ZNF618: variants seen among roughly 807,000 people sequenced by gnomAD.
The protein encoded by ZNF618 is neural precursor cell expressed, developmentally down-regulated 10.
A neutral mutation model predicts 103.0 loss-of-function variants in ZNF618; 34 were observed. The observed-to-expected ratio is 0.33, with a 90% confidence interval of 0.25 to 0.44. ZNF618 has a LOEUF of 0.44. Among genes scored for constraint, ZNF618 ranks in the 20% least tolerant of loss-of-function variants. The probability of loss-of-function intolerance (pLI) is 1.00; values close to 1 mark genes in which losing one functional copy is unlikely to be tolerated. For synonymous variants in ZNF618, 551 were observed against 542.2 expected, an observed-to-expected ratio of 1.02 and a Z score of -0.23; for missense variants, 1,059 against 1,295.4, an observed-to-expected ratio of 0.82 and a Z score of 2.80.
At chr9:113,994,916 C>T (rs1840417729) in intron 3 of ZNF618, among the ~76,000 whole-genome samples, 1 of 150,308 alleles carries the variant, frequency 6.7e-6, no homozygotes. Context: ...ATATAATTTC[C>T]AGGATATTGT....
chr9:113,895,989 A>G (rs1392333318), intron 1 of ZNF618, among the ~76,000 whole-genome samples: 3 of 152,150 alleles, frequency 2.0e-5, no homozygotes, highest in Non-Finnish European at 2.9e-5. Context: ...AGAACAGAAT[A>G]TAATGTTATT....
In ZNF618 at chr9:114,049,877, G is replaced by A. The variant is rs551303713; in HGVS notation, c.2575G>A (p.Glu859Lys). ...AAKKPRSAAV[E>K]NPAAQEDDRL... ...CAAGAAGCCCCGCTCTGCTGCCGTC[G>A]AGAACCCCGCAGCTCAGGAAGATGA... The change falls in exon 15 of 15, where the codon GAG becomes AAG. Residue 859 changes from glutamate to lysine, a missense_variant. Physicochemically the swap from Glu to Lys is moderately conservative, Grantham distance 56. Around this residue, in one of 6 missense-constraint regions of ZNF618, gnomAD observed 156 missense variants for 197.1 expected, o/e 0.79. Transcript: ENST00000374126. The A allele has an allele frequency of 3.5e-5, 57 of 1,613,922 alleles. No individual in the cohort carries two copies. The highest frequency in any genetic ancestry group is 4.7e-5 in the Non-Finnish European group (55 of 1,179,910).
chr9:113,980,055 C>T (rs860082), intron 2 of ZNF618, among the ~76,000 whole-genome samples: 63,273 of 151,814 alleles, frequency 0.42, 13,503 homozygotes, highest in East Asian at 0.65. Context: ...ACTTTGAAGG[C>T]GGATCTGGCT....
At chr9:114,025,537 C>G (rs1843417217) in intron 10 of ZNF618, among the ~76,000 whole-genome samples, 1 of 152,336 alleles carries the variant, frequency 6.6e-6, no homozygotes, top group Middle Eastern at 3.4e-3. Flanking sequence ...GAGACTCTTT[C>G]ATGCTTTCTC....
rs115922752 is a variant in ZNF618, at chr9:113,945,085, C to T, written c.34-24032C>T. ...CTACCAGCCCAGTTCCCTTTCCAGC[C>T]CCATCCCCTGTCTCCCTACCTCACT... On this transcript the variant is annotated intron_variant, in intron 1 of 14. Coordinates refer to ENST00000374126, the MANE Select transcript of ZNF618 (RefSeq NM_001318042.2). Among the ~76,000 whole-genome samples the T allele has an allele frequency of 5.3e-3, 803 of 152,240 alleles. 7 individuals carry two copies. The highest frequency in any genetic ancestry group is 0.019 in the African/African-American group (772 of 41,524).
intron 1 of ZNF618, among the ~76,000 whole-genome samples, chr9:113,938,165 G>GTTTTTT (rs770850585): frequency 4.2e-5 from 4 of 95,512 alleles, no homozygotes; most frequent in African/African-American, 8.0e-5. Flanking sequence ...TCAGGCTCCT[G>GTTTTTT]TTTTTTTTTT....
At position 114,050,889 on chromosome 9, in the gene ZNF618, C is replaced by T. The variant is rs1846090803; in HGVS notation, c.*722C>T. Reference sequence around the variant, plus strand: ...TTGAGCTGCTGCCTTTGAGATACCCCTTGGGTGTCCCGGGGCAGCCGCCTT... The same window carrying T: ...TTGAGCTGCTGCCTTTGAGATACCCTTTGGGTGTCCCGGGGCAGCCGCCTT... On this transcript the variant is annotated 3_prime_UTR_variant, in exon 15 of 15. Transcript: ENST00000374126. 6.5e-6 allele frequency: 1 copy of T among 152,724 alleles called. No homozygotes were observed. Among genetic ancestry groups the T allele is most frequent in the South Asian group, 2.1e-4 (1 of 4,832 alleles). The allele number at this position is 152,724 out of a possible 1,614,324, so 9.5% of individuals were successfully genotyped here. A position where few individuals can be genotyped will look rare whatever the true frequency, so the allele number is the denominator to read the frequency against.
chr9:114,008,721 G>A (rs1034840533), intron 9 of ZNF618, among the ~76,000 whole-genome samples, 167 bp downstream of exon 9: 3 of 152,122 alleles, frequency 2.0e-5, no homozygotes, highest in Non-Finnish European at 2.9e-5. Flanking sequence ...TGGAGCTTTC[G>A]AGGAGCAGCA....
intron 1 of ZNF618, among the ~76,000 whole-genome samples, chr9:113,965,013 G>A (rs975336682): frequency 7.5e-6 from 1 of 133,460 alleles, no homozygotes; most frequent in Non-Finnish European, 1.5e-5. Flanking sequence ...AAAAAAAAAT[G>A]TAATCATATA....
At chr9:113,947,197 C>G (rs1011324274) in intron 1 of ZNF618, among the ~76,000 whole-genome samples, 1 of 152,160 alleles carries the variant, frequency 6.6e-6, no homozygotes, top group Admixed American at 6.5e-5. Flanking sequence ...TTAGTGAATC[C>G]TTTCTACACT....
At position 113,894,434 on chromosome 9, in the gene ZNF618, T is replaced by C. The variant is rs913773574; in HGVS notation, c.33+18021T>C. 2.0e-5 allele frequency among the ~76,000 whole-genome samples: 3 copies of C among 152,196 alleles called. No homozygotes were observed. The East Asian group carries it at 5.8e-4, about 29-fold the overall frequency. ...GAAAGTTCAGCGCTCTCAGACTGAT[T>C]GTCAAGGGTGGTGGAGGGAAAGATG... On this transcript the variant is annotated intron_variant, in intron 1 of 14. Transcript: ENST00000374126.
At chr9:114,016,525 G>T (rs1216269233) in intron 9 of ZNF618, among the ~76,000 whole-genome samples, 170 bp from the exon 10 acceptor site, 1 of 152,128 alleles carries the variant, frequency 6.6e-6, no homozygotes, top group Non-Finnish European at 1.5e-5. Context: ...TACCCAGCTC[G>T]AAATGTCTGA....
At chr9:114,040,644 T>C (rs1362794865) in intron 13 of ZNF618, among the ~76,000 whole-genome samples, 1 of 152,236 alleles carries the variant, frequency 6.6e-6, no homozygotes, top group African/African-American at 2.4e-5. Context: ...TCCATGTCCC[T>C]ACAAAGGACA....
In ZNF618 at chr9:114,055,425, A is replaced by G. The variant is rs1334060874; in HGVS notation, c.*5258A>G. ...TTCAGATCCCAAGCATCAGGAAATC[A>G]TTTTGTACAACCACCCGAAGCAGAG... On this transcript the variant is annotated 3_prime_UTR_variant, in exon 15 of 15. Coordinates refer to ENST00000374126, the MANE Select transcript of ZNF618 (RefSeq NM_001318042.2). 1 of 152,680 alleles carries G rather than the reference A, an allele frequency of 6.5e-6. No individual in the cohort carries two copies. The highest frequency in any genetic ancestry group is 2.4e-5 in the African/African-American group (1 of 41,462). The allele number at this position is 152,680 out of a possible 1,614,324, so 9.5% of individuals were successfully genotyped here.
At chr9:114,031,990 G>C (rs1380639134) in intron 11 of ZNF618, among the ~76,000 whole-genome samples, 2 of 152,192 alleles carry the variant, frequency 1.3e-5, no homozygotes, top group African/African-American at 2.4e-5. Flanking sequence ...GAGAGCACTT[G>C]GAAGAGGGTG....
At chr9:113,962,933 C>T (rs535279571) in intron 1 of ZNF618, among the ~76,000 whole-genome samples, 2 of 152,302 alleles carry the variant, frequency 1.3e-5, no homozygotes, top group South Asian at 4.1e-4. Flanking sequence ...TAGATATATC[C>T]CAACTGCCTA....
chr9:113,955,009 G>T (rs902665965), intron 1 of ZNF618, among the ~76,000 whole-genome samples: 7 of 152,182 alleles, frequency 4.6e-5, no homozygotes, highest in African/African-American at 1.7e-4. Flanking sequence ...GCTATGGGTG[G>T]TAGCAGCAGC....
intron 7 of ZNF618, among the ~76,000 whole-genome samples, chr9:114,007,958 C>A (rs143136205): frequency 2.0e-5 from 3 of 152,208 alleles, no homozygotes; most frequent in African/African-American, 7.2e-5. Flanking sequence ...AGGCCCACCA[C>A]CTGTTACCAC....
intron 10 of ZNF618, among the ~76,000 whole-genome samples, chr9:114,017,884 G>A (rs1293152455): frequency 6.6e-6 from 1 of 152,128 alleles, no homozygotes. Flanking sequence ...AGCTTCCCCA[G>A]GAATTCCTCC....
Sources: gnomAD v4.1 joint callset for allele counts (sites outside exome capture counted in the v4.1 genomes callset) on GRCh38, gnomAD v4.1.1 for gene constraint, gnomAD v4.1.1 regional missense constraint, MANE v1.5 for transcripts, NCBI Gene and HGNC (gene_info 2026-07-23, HGNC 2026-07-21) for gene names.